Variants in SYNE1 observed in about 807,000 individuals in gnomAD.
SYNE1 encodes the protein nesprin-1.
A neutral mutation model predicts 1,111.0 loss-of-function variants in SYNE1; 616 were observed. That is an observed-to-expected ratio of 0.55 (90% CI 0.52 to 0.59). SYNE1 has a LOEUF of 0.59. SYNE1 is among the 20% of genes least tolerant of loss of function. The pLI is 0.00. For missense variants in SYNE1, 10,006 were observed against 10,417.0 expected, an observed-to-expected ratio of 0.96 and a Z score of 1.72; for synonymous variants, 3,855 against 3,825.8, an observed-to-expected ratio of 1.01 and a Z score of -0.28.
At chr6:152,559,480 T>C (rs1468907584) in intron 3 of SYNE1, among the ~76,000 whole-genome samples, 1 of 152,068 alleles carries the variant, frequency 6.6e-6, no homozygotes, top group Non-Finnish European at 1.5e-5. Flanking sequence ...AGATCAGTAA[T>C]ATGAAGAAAA....
chr6:152,469,272 A>C (rs2098790821), intron 16 of SYNE1, among the ~76,000 whole-genome samples: 1 of 152,210 alleles, frequency 6.6e-6, no homozygotes, highest in South Asian at 2.1e-4. Flanking sequence ...GAATAAAAAC[A>C]GTATATGTCA....
chr6:152,330,273 C>T lies in SYNE1; in HGVS notation c.14412G>A (p.Val4804=). 1 of 1,614,170 alleles carries T rather than the reference C, an allele frequency of 6.2e-7. No individual in the cohort carries two copies. Among genetic ancestry groups the T allele is most frequent in the Non-Finnish European group, 8.5e-7 (1 of 1,180,044 alleles). The change falls in exon 78 of 146, where the codon GTG becomes GTA. Residue 4804 remains valine (V), a synonymous_variant. Coordinates refer to ENST00000367255, the MANE Select transcript of SYNE1 (RefSeq NM_182961.4). ...CCTCTGCAGGCAGCGTTTCCTCATT[C>T]ACTTTGGACTGCTCCTCTTTTACAG... is the stretch of plus-strand genomic sequence containing the variant. ...LKSVKEEQSK[V]NEETLPAEEK... is the part of the protein sequence containing the mutation.
chr6:152,390,938 T>A (rs2097606683), intron 52 of SYNE1, among the ~76,000 whole-genome samples: 1 of 152,180 alleles, frequency 6.6e-6, no homozygotes, highest in East Asian at 1.9e-4. Context: ...CAGATTGGTG[T>A]CTTCCCTAGA....
chr6:152,426,267 C>T (rs1371499740), intron 38 of SYNE1, among the ~76,000 whole-genome samples: 2 of 152,240 alleles, frequency 1.3e-5, no homozygotes, highest in South Asian at 2.1e-4. Flanking sequence ...AAAATGCTCT[C>T]CTTCCCTTCC....
chr6:152,542,214 G>A (rs939284682), intron 3 of SYNE1, among the ~76,000 whole-genome samples: 1 of 152,106 alleles, frequency 6.6e-6, no homozygotes, highest in Non-Finnish European at 1.5e-5. Context: ...GTAAAGCCCA[G>A]GAGGACAGCA....
At chr6:152,425,093 G>A (rs1281528423) in intron 39 of SYNE1, among the ~76,000 whole-genome samples, 1 of 152,150 alleles carries the variant, frequency 6.6e-6, no homozygotes, top group Admixed American at 6.5e-5. Flanking sequence ...TACAAAAACA[G>A]CTTAAGCAAT....
chr6:152,313,289 C>T (rs993989612), intron 87 of SYNE1, among the ~76,000 whole-genome samples: 13 of 152,136 alleles, frequency 8.5e-5, no homozygotes, highest in African/African-American at 3.1e-4. Context: ...TGGGTATCTT[C>T]AGTTAGCATT....
At position 152,329,971 on chromosome 6, in the gene SYNE1, G is replaced by C; in HGVS notation, c.14714C>G (p.Ala4905Gly). ...RSLDWLRRVK[A>G]ELSGPVYLDL... ...TAGGTACACCGGCCCACTGAGCTCT[G>C]CCTTCACTCTCCTCAGCCAGTCCAG... Residue 4905 changes from alanine (A) to glycine (G), a missense_variant, in exon 78 of 146, where the codon GCA (alanine) becomes GGA (glycine). Ala to Gly is a moderately conservative substitution (Grantham distance 60). This residue lies in a region of SYNE1 where 4,955 missense variants were observed against 5,017.2 expected (regional missense o/e 0.99). Transcript: ENST00000367255. 2 of 1,614,158 alleles carry C rather than the reference G, an allele frequency of 1.2e-6. No individual in the cohort carries two copies. The highest frequency in any genetic ancestry group is 1.7e-6 in the Non-Finnish European group (2 of 1,180,024).
intron 93 of SYNE1, among the ~76,000 whole-genome samples, chr6:152,295,571 A>T (rs2094830637): frequency 6.6e-6 from 1 of 152,010 alleles, no homozygotes; most frequent in South Asian, 2.1e-4. Context: ...AAACCCGCAA[A>T]CATGACTCAA....
rs117598125 is a variant in SYNE1 at position 152,260,425 on chromosome 6, T to G, written c.18972+1607A>C. On this transcript the variant is annotated intron_variant, in intron 101 of 145. Coordinates refer to ENST00000367255, the MANE Select transcript of SYNE1 (RefSeq NM_182961.4). ...AAGTATAGGGCACCATTTGCCAGGG[T>G]GGATACGATTCTGGGACACCTGCTT... is the stretch of plus-strand genomic sequence containing the variant. Among the ~76,000 whole-genome samples, 378 of 152,152 alleles carry G rather than the reference T, an allele frequency of 2.5e-3. 6 individuals carry two copies. The East Asian group carries it at 0.031, about 12-fold the overall frequency.
intron 82 of SYNE1, 59 bp from the exon 83 acceptor site, chr6:152,321,945 G>A: frequency 6.3e-7 from 1 of 1,594,416 alleles, no homozygotes; most frequent in Non-Finnish European, 8.6e-7. Context: ...CCTAATACTT[G>A]GCAACATTTT....
chr6:152,293,579 T>G lies in SYNE1; in HGVS notation c.18012+9A>C. On this transcript the variant is annotated intron_variant, in intron 95 of 145. Transcript: ENST00000367255. The stretch of plus-strand genomic sequence containing the variant: ...TCAAGTAGGAAACTGAAGTCATGGC[T>G]ATTTGTACCTGATGTTCAGCCATCT... 6.2e-7 allele frequency: 1 copy of G among 1,613,936 alleles called. No homozygotes were observed. Among genetic ancestry groups the G allele is most frequent in the Non-Finnish European group, 8.5e-7 (1 of 1,179,876 alleles).
intron 5 of SYNE1, 40 bp downstream of exon 5, chr6:152,526,040 A>G (rs1299517536): frequency 1.3e-6 from 2 of 1,586,142 alleles, no homozygotes; most frequent in Non-Finnish European, 8.7e-7. Flanking sequence ...TTCCAAATGG[A>G]AACAATTTGA....
At position 152,239,688 on chromosome 6, in the gene SYNE1, C is replaced by T. The variant is rs2085090350; in HGVS notation, c.19912G>A (p.Glu6638Lys). The T allele has an allele frequency of 3.1e-6, 5 of 1,614,026 alleles. No individual in the cohort carries two copies. In the South Asian group the frequency reaches 5.5e-5, roughly 18 times the overall value. Residue 6638 changes from glutamate to lysine, a missense_variant, in exon 108 of 146, where the codon GAA (glutamate) becomes AAA (lysine). Glu to Lys is a moderately conservative substitution (Grantham distance 56). Coordinates refer to ENST00000367255, the MANE Select transcript of SYNE1 (RefSeq NM_182961.4). ...DKHKEYFQGLESHMILTETLF... is the reference protein window; with the variant it reads ...DKHKEYFQGLKSHMILTETLF... ...GTTTCAGTCAAGATCATATGAGATTCCAGGCCCTGAAAGTATTCCTGCAAT... is the reference window on the plus strand; with the variant it reads ...GTTTCAGTCAAGATCATATGAGATTTCAGGCCCTGAAAGTATTCCTGCAAT...
intron 74 of SYNE1, 76 bp downstream of exon 74, chr6:152,344,005 C>T: frequency 6.3e-7 from 1 of 1,597,274 alleles, no homozygotes; most frequent in Non-Finnish European, 8.6e-7. Flanking sequence ...TTTGGCACAT[C>T]ATAGGTACTT....
intron 130 of SYNE1, among the ~76,000 whole-genome samples, chr6:152,173,027 T>C (rs1288490304): frequency 2.6e-5 from 4 of 152,254 alleles, no homozygotes; most frequent in Non-Finnish European, 4.4e-5. Context: ...CTGTATTACA[T>C]ACAGCAGATC....
At chr6:152,203,216 T>G (rs927655047) in intron 126 of SYNE1, among the ~76,000 whole-genome samples, 14 of 152,250 alleles carry the variant, frequency 9.2e-5, no homozygotes, top group African/African-American at 2.9e-4. Flanking sequence ...ATTACCTAAT[T>G]TTTAAAAATC....
At chr6:152,636,980 C>G (rs1457392218) in intron 1 of SYNE1, 175 bp from the exon 2 acceptor site, 3 of 152,484 alleles carry the variant, frequency 2.0e-5, no homozygotes, top group Non-Finnish European at 4.4e-5. Context: ...GTGAGGCCTC[C>G]CCCTTCGCCC....
At chr6:152,232,039 A>G in intron 113 of SYNE1, 77 bp downstream of exon 113, 1 of 1,136,252 alleles carries the variant, frequency 8.8e-7, no homozygotes, top group Non-Finnish European at 1.3e-6. Context: ...CTTGATTACC[A>G]TAATTTGAGT....
Sources: gnomAD v4.1 joint callset for allele counts (sites outside exome capture counted in the v4.1 genomes callset) on GRCh38, gnomAD v4.1.1 for gene constraint, gnomAD v4.1.1 regional missense constraint, MANE v1.5 for transcripts, NCBI Gene and HGNC (gene_info 2026-07-23, HGNC 2026-07-21) for gene names.